Variants in ROBO1 observed in about 807,000 individuals in gnomAD.
ROBO1 encodes roundabout homolog 1.
Under a neutral mutation model 195.9 loss-of-function variants are expected in ROBO1, and 149 were observed. The observed-to-expected ratio is 0.76, with a 90% CI of 0.67 to 0.87. ROBO1 has a LOEUF of 0.87. Ranked by LOEUF, ROBO1 falls within the 40% of genes least tolerant of loss-of-function variation. The pLI is 0.00. For missense variants in ROBO1, 1,933 were observed against 2,068.3 expected (o/e 0.93, Z 1.27); for synonymous variants, 816 against 733.2 (o/e 1.11, Z -1.82).
intron 4 of ROBO1, among the ~76,000 whole-genome samples, chr3:78,760,544 C>T (rs548827607): frequency 2.0e-5 from 3 of 152,274 alleles, no homozygotes; most frequent in Admixed American, 2.0e-4. Flanking sequence ...GGCTCACAGC[C>T]TGTATAGAAC....
intron 8 of ROBO1, among the ~76,000 whole-genome samples, chr3:78,707,882 G>A (rs1240436533): frequency 2.0e-5 from 3 of 152,162 alleles, no homozygotes; most frequent in African/African-American, 7.2e-5. Context: ...CCTGTTGTGA[G>A]AGAGACAAAC....
chr3:79,566,984 C>G (rs547611443), intron 2 of ROBO1, among the ~76,000 whole-genome samples: 2 of 152,126 alleles, frequency 1.3e-5, no homozygotes, highest in South Asian at 4.2e-4. Context: ...TTCACAGTAG[C>G]AAAGACATGG....
At chr3:79,756,449 G>A (rs532794841) in intron 1 of ROBO1, among the ~76,000 whole-genome samples, 16 of 151,662 alleles carry the variant, frequency 1.1e-4, no homozygotes, top group African/African-American at 1.7e-4. Context: ...CTCAGGGGGC[G>A]GAGGCAGGAG....
chr3:78,649,172 A>C (rs59185069), intron 19 of ROBO1, among the ~76,000 whole-genome samples: 3,458 of 152,144 alleles, frequency 0.023, 119 homozygotes, highest in African/African-American at 0.072. Flanking sequence ...AAGCTATTCA[A>C]GCAAGAATGG....
intron 4 of ROBO1, among the ~76,000 whole-genome samples, chr3:78,888,471 A>G (rs901334719): frequency 6.6e-6 from 1 of 152,214 alleles, no homozygotes; most frequent in Non-Finnish European, 1.5e-5. Flanking sequence ...TGTATTCTTA[A>G]AACAAGCCAG....
intron 4 of ROBO1, among the ~76,000 whole-genome samples, chr3:78,838,421 G>A (rs1346854655): frequency 6.6e-6 from 1 of 152,150 alleles, no homozygotes; most frequent in Non-Finnish European, 1.5e-5. Flanking sequence ...CTAAGACTGG[G>A]TAATAACTTA....
chr3:79,239,873 T>C (rs997031365), intron 2 of ROBO1, among the ~76,000 whole-genome samples: 26 of 152,200 alleles, frequency 1.7e-4, no homozygotes, highest in African/African-American at 6.3e-4. Flanking sequence ...GAAGGCTTTC[T>C]TTCCCCACCT....
intron 1 of ROBO1, among the ~76,000 whole-genome samples, chr3:79,639,063 A>G (rs553900373): frequency 4.2e-4 from 64 of 152,336 alleles, no homozygotes; most frequent in African/African-American, 1.3e-3. Flanking sequence ...CATAGCATCA[A>G]TGGTGTTTGG....
chr3:79,595,837 G>A lies in ROBO1; in HGVS notation c.-50-5876C>T, dbSNP rs1347707654. Among the ~76,000 whole-genome samples the A allele has an allele frequency of 4.0e-5, 6 of 151,652 alleles. No homozygotes were observed. The East Asian group carries it at 9.8e-4, about 25-fold the overall frequency. On this transcript the variant is annotated intron_variant, in intron 1 of 30. Coordinates refer to ENST00000464233, the MANE Select transcript of ROBO1 (RefSeq NM_002941.4). ...GGAAGTGTTGGGATTACAAGCATGA[G>A]CCACTGGACTTGGCCTCTGTCCTAG... is the stretch of plus-strand genomic sequence containing the variant.
intron 2 of ROBO1, among the ~76,000 whole-genome samples, chr3:79,574,554 T>A (rs1282999753): frequency 6.6e-6 from 1 of 151,994 alleles, no homozygotes; most frequent in Non-Finnish European, 1.5e-5. Flanking sequence ...CAGTGGCAAT[T>A]CCGCTTACCA....
At chr3:79,630,868 TC>T (rs1230230720) in intron 1 of ROBO1, among the ~76,000 whole-genome samples, 1 of 149,196 alleles carries the variant, frequency 6.7e-6, no homozygotes, top group Non-Finnish European at 1.5e-5. Flanking sequence ...AAAAAGTTAA[TC>T]CCATTTACAC....
chr3:78,985,229 A>T (rs1290946124), intron 3 of ROBO1, among the ~76,000 whole-genome samples: 4 of 152,036 alleles, frequency 2.6e-5, no homozygotes, highest in African/African-American at 9.7e-5. Flanking sequence ...GAGCCCAAAA[A>T]GTTGAGGCTG....
intron 3 of ROBO1, among the ~76,000 whole-genome samples, chr3:79,116,419 C>CTCTCT (rs368295417): frequency 0.05 from 7,263 of 145,648 alleles, 578 homozygotes; most frequent in African/African-American, 0.17. Context: ...CCTTCCTTCT[C>CTCTCT]TATTTTCTTT....
intron 3 of ROBO1, among the ~76,000 whole-genome samples, chr3:78,982,327 C>T (rs555496574): frequency 1.3e-5 from 2 of 152,154 alleles, no homozygotes; most frequent in Non-Finnish European, 2.9e-5. Flanking sequence ...CATATTAATA[C>T]CTTTGTAAGC....
intron 2 of ROBO1, among the ~76,000 whole-genome samples, chr3:79,392,949 T>C (rs767070965): frequency 6.6e-6 from 1 of 152,182 alleles, no homozygotes; most frequent in Non-Finnish European, 1.5e-5. Context: ...AGGCCTAACC[T>C]AGTCAAATCT....
intron 1 of ROBO1, among the ~76,000 whole-genome samples, chr3:79,592,719 T>C (rs1944042886): frequency 6.6e-6 from 1 of 152,050 alleles, no homozygotes; most frequent in South Asian, 2.1e-4. Context: ...TTGTTACAAC[T>C]GATCAACCTG....
At chr3:79,070,128 C>T (rs1021235671) in intron 3 of ROBO1, among the ~76,000 whole-genome samples, 5 of 151,808 alleles carry the variant, frequency 3.3e-5, no homozygotes, top group Admixed American at 2.0e-4. Flanking sequence ...TATCTCTGAC[C>T]TTCTCCTGAG....
At chr3:78,674,538 C>T (rs1708277340) in intron 10 of ROBO1, among the ~76,000 whole-genome samples, 1 of 152,120 alleles carries the variant, frequency 6.6e-6, no homozygotes, top group Admixed American at 6.6e-5. Context: ...AAAAACAGTG[C>T]CAAAACAGCA....
intron 4 of ROBO1, among the ~76,000 whole-genome samples, chr3:78,932,013 G>A (rs1002985245): frequency 6.6e-6 from 1 of 151,946 alleles, no homozygotes; most frequent in Non-Finnish European, 1.5e-5. Context: ...AGTACTGAGA[G>A]CTTCAGTTAA....
Sources: allele counts gnomAD v4.1 joint callset (sites outside exome capture counted in the v4.1 genomes callset), GRCh38; gene constraint gnomAD v4.1.1; transcripts MANE v1.5; gene names NCBI Gene and HGNC (gene_info 2026-07-23, HGNC 2026-07-21).